HPGDS: variants seen among roughly 807,000 people sequenced by gnomAD.
HPGDS encodes hematopoietic prostaglandin D synthase, also known as GST class-sigma.
HPGDS carries 26 observed loss-of-function variants against 23.1 expected under a neutral mutation model. The observed-to-expected ratio is 1.13, with a 90% CI of 0.83 to 1.56. HPGDS has a LOEUF of 1.56. Ranked by LOEUF, HPGDS falls within the 40% of genes most tolerant of loss-of-function variation. HPGDS has a pLI of 0.00. For missense variants in HPGDS, 268 were observed against 236.4 expected (o/e 1.13, Z -0.88); for synonymous variants, 95 against 77.9 (o/e 1.22, Z -1.16).
intron 3 of HPGDS, among the ~76,000 whole-genome samples, chr4:94,310,964 T>G (rs1390754042): frequency 6.6e-6 from 1 of 151,794 alleles, no homozygotes; most frequent in Non-Finnish European, 1.5e-5. Context: ...TAAGAATACT[T>G]GTGATTTTTG....
At chr4:94,321,101 T>A (rs1756498329) in intron 2 of HPGDS, among the ~76,000 whole-genome samples, 1 of 152,126 alleles carries the variant, frequency 6.6e-6, no homozygotes, top group South Asian at 2.1e-4. Context: ...CTGAGGCCTC[T>A]GTTCTGTTCC....
chr4:94,335,114 C>T (rs1369555169), intron 1 of HPGDS, among the ~76,000 whole-genome samples: 1 of 152,170 alleles, frequency 6.6e-6, no homozygotes, highest in African/African-American at 2.4e-5. Flanking sequence ...AATGTGAGTG[C>T]CATGCCAACC....
intron 3 of HPGDS, among the ~76,000 whole-genome samples, chr4:94,312,773 G>C (rs1756303299): frequency 6.6e-6 from 1 of 152,018 alleles, no homozygotes. Flanking sequence ...GGGAATCTCA[G>C]TCTCTTTGTA....
Position 94,308,718 on chromosome 4 carries a change from T to C in HPGDS, c.252A>G (p.Glu84=). The C allele has an allele frequency of 6.2e-7, 1 of 1,604,830 alleles. No individual in the cohort carries two copies. Among genetic ancestry groups the C allele is most frequent in the African/African-American group, 1.3e-5 (1 of 74,770 alleles). ...CCACAATAGCATCAACATGACATTG[T>C]TCCATTTCTGTGTTTCCAGCCAAAT... ...NTDLAGNTEM[E]QCHVDAIVDT... Residue 84 remains glutamate (E), a synonymous_variant, in exon 4 of 6, where the codon GAA becomes GAG. Transcript: ENST00000295256.
At chr4:94,312,850 T>G (rs577836560) in intron 3 of HPGDS, among the ~76,000 whole-genome samples, 3 of 152,352 alleles carry the variant, frequency 2.0e-5, no homozygotes, top group African/African-American at 4.8e-5. Context: ...TTTAGGATAG[T>G]TAGCTCTTCT....
chr4:94,340,311 C>CTTTCTTTTTCTTTTTT, intron 1 of HPGDS, among the ~76,000 whole-genome samples: 3 of 23,678 alleles, frequency 1.3e-4, no homozygotes, highest in African/African-American at 4.4e-4. Context: ...CTTTCTTTCT[C>CTTTCTTTTTCTTTTTT]TTTTTTTTTT....
chr4:94,338,845 C>G (rs190814249), intron 1 of HPGDS, among the ~76,000 whole-genome samples: 1 of 152,020 alleles, frequency 6.6e-6, no homozygotes, highest in African/African-American at 2.4e-5. Flanking sequence ...ATTTAAACTT[C>G]GAGAGATTCT....
chr4:94,319,769 T>A (rs777447222), intron 2 of HPGDS, among the ~76,000 whole-genome samples: 1 of 152,124 alleles, frequency 6.6e-6, no homozygotes, highest in Non-Finnish European at 1.5e-5. Context: ...TCTCCCTCAT[T>A]TTTGTATTAT....
At chr4:94,301,663 C>A (rs1246710529) in intron 5 of HPGDS, among the ~76,000 whole-genome samples, 3 of 151,846 alleles carry the variant, frequency 2.0e-5, no homozygotes, top group Non-Finnish European at 4.4e-5. Flanking sequence ...TTTTTGTACC[C>A]ACAATATAAT....
chr4:94,304,882 CA>C (rs1756111971), intron 4 of HPGDS, among the ~76,000 whole-genome samples: 1 of 151,840 alleles, frequency 6.6e-6, no homozygotes, highest in Non-Finnish European at 1.5e-5. Flanking sequence ...GCCTCAGCCA[CA>C]GAAAGGTAGA....
chr4:94,316,778 C>T (rs887942705), intron 3 of HPGDS, among the ~76,000 whole-genome samples: 2 of 152,206 alleles, frequency 1.3e-5, no homozygotes, highest in African/African-American at 2.4e-5. Flanking sequence ...ATTCTTGGGA[C>T]CCACCCAAGG....
chr4:94,304,189 G>T (rs1440872842), intron 4 of HPGDS, among the ~76,000 whole-genome samples: 3 of 151,866 alleles, frequency 2.0e-5, no homozygotes, highest in African/African-American at 4.8e-5. Flanking sequence ...CTTTTAGAGA[G>T]GTTCGTATAT....
At chr4:94,329,668 G>A (rs1299899309) in intron 2 of HPGDS, among the ~76,000 whole-genome samples, 1 of 152,206 alleles carries the variant, frequency 6.6e-6, no homozygotes, top group Non-Finnish European at 1.5e-5. Flanking sequence ...ACAACAGAAT[G>A]TGTTTTCTTG....
chr4:94,315,030 C>T (rs147956812), intron 3 of HPGDS, among the ~76,000 whole-genome samples: 13 of 152,226 alleles, frequency 8.5e-5, no homozygotes, highest in East Asian at 3.9e-4. Flanking sequence ...TTCCAGGTGC[C>T]GTCTGTCACC....
At chr4:94,314,407 C>T (rs558219117) in intron 3 of HPGDS, among the ~76,000 whole-genome samples, 36 of 152,324 alleles carry the variant, frequency 2.4e-4, no homozygotes, top group South Asian at 1.0e-3. Context: ...AGGTCCACTC[C>T]GGACCCTTTT....
chr4:94,313,122 AT>A (rs1756314937), intron 3 of HPGDS, among the ~76,000 whole-genome samples: 1 of 152,182 alleles, frequency 6.6e-6, no homozygotes, highest in African/African-American at 2.4e-5. Context: ...TAATTGGAGC[AT>A]TTAGGCCATT....
At chr4:94,342,513 T>A (rs1721193075) in intron 1 of HPGDS, among the ~76,000 whole-genome samples, 1 of 152,166 alleles carries the variant, frequency 6.6e-6, no homozygotes, top group South Asian at 2.1e-4. Flanking sequence ...TAAGACAGGA[T>A]TTTTCCTCTA....
chr4:94,310,510 C>T (rs1756242466), intron 3 of HPGDS, among the ~76,000 whole-genome samples: 1 of 152,268 alleles, frequency 6.6e-6, no homozygotes, highest in African/African-American at 2.4e-5. Flanking sequence ...GTTTTGGTAC[C>T]AGTACCATGC....
At position 94,308,800 on chromosome 4, in the gene HPGDS, T is replaced by G. The variant is rs940908119; in HGVS notation, c.227-57A>C. 2.5e-5 allele frequency: 23 copies of G among 917,746 alleles called. No homozygotes were observed. In the East Asian group the frequency reaches 5.2e-4, roughly 21 times the overall value. 56.9% of individuals were successfully genotyped at this position (917,746 alleles called of 1,614,324 possible). A position where few individuals can be genotyped will look rare whatever the true frequency, so the allele number is the denominator to read the frequency against. ...TTAATTTACTATATTAAAAAGTTTG[T>G]TTTTAACAGATAGTATACTCATATG... On this transcript the variant is annotated intron_variant, in intron 3 of 5. Coordinates refer to ENST00000295256, the MANE Select transcript of HPGDS (RefSeq NM_014485.3).
Sources: allele counts gnomAD v4.1 joint callset (sites outside exome capture counted in the v4.1 genomes callset), GRCh38; gene constraint gnomAD v4.1.1; transcripts MANE v1.5; gene names NCBI Gene and HGNC (gene_info 2026-07-23, HGNC 2026-07-21).